FBXL4: variants seen among roughly 807,000 people sequenced by gnomAD.
FBXL4 encodes the protein F-box and leucine rich repeat protein 4.
Under a neutral mutation model 58.9 loss-of-function variants are expected in FBXL4, and 40 were observed. That is an observed-to-expected ratio of 0.68 (90% CI 0.53 to 0.88). FBXL4 has a LOEUF of 0.88. Ranked by LOEUF, FBXL4 falls within the 40% of genes least tolerant of loss-of-function variation. The probability of loss-of-function intolerance (pLI) is 0.00; values close to 1 mark genes in which losing one functional copy is unlikely to be tolerated. For synonymous variants in FBXL4, 263 were observed against 265.5 expected, an observed-to-expected ratio of 0.99 and a Z score of 0.09; for missense variants, 676 against 734.4, an observed-to-expected ratio of 0.92 and a Z score of 0.92.
intron 8 of FBXL4, among the ~76,000 whole-genome samples, chr6:98,877,977 G>C (rs2128377242): frequency 6.6e-6 from 1 of 152,326 alleles, no homozygotes; most frequent in South Asian, 2.1e-4. Context: ...TTACAGGTGA[G>C]ACACTGCTCC....
intron 2 of FBXL4, among the ~76,000 whole-genome samples, chr6:98,929,966 C>G (rs1047630945): frequency 6.6e-6 from 1 of 152,140 alleles, no homozygotes; most frequent in Admixed American, 6.5e-5. Context: ...TAGAATCCCA[C>G]CCTATCCTCA....
rs949489465 is a variant in FBXL4, at chr6:98,873,054, C to G, written c.*1224G>C. Reference sequence around the variant, plus strand: ...TTAATTCTGCTACTCAGAAAGTAGACAGAAAATATTTTGTGGCATGAAAAG... The same window carrying G: ...TTAATTCTGCTACTCAGAAAGTAGAGAGAAAATATTTTGTGGCATGAAAAG... On this transcript the variant is annotated 3_prime_UTR_variant, in exon 10 of 10. Transcript: ENST00000369244. 2 of 151,898 alleles carry G rather than the reference C, an allele frequency of 1.3e-5. No individual in the cohort carries two copies. Among genetic ancestry groups the G allele is most frequent in the African/African-American group, 4.8e-5 (2 of 41,332 alleles). 9.4% of individuals were successfully genotyped at this position (151,898 alleles called of 1,614,324 possible).
In FBXL4 at chr6:98,875,444, C is replaced by T. The variant is rs995995791; in HGVS notation, c.1673G>A (p.Cys558Tyr). 6.2e-7 allele frequency: 1 copy of T among 1,614,048 alleles called. No individual in the cohort carries two copies. The highest frequency in any genetic ancestry group is 8.5e-7 in the Non-Finnish European group (1 of 1,179,950). The change falls in exon 9 of 10, where the codon TGT becomes TAT. Residue 558 changes from cysteine (C) to tyrosine (Y), a missense_variant. Coordinates refer to ENST00000369244, the MANE Select transcript of FBXL4 (RefSeq NM_001278716.2). ...DTDIDELACN[C>Y]TRLQQLDILG... ...TATGTCCAGCTGCTGTAACCTGGTA[C>T]AATTACATGCCAATTCATCAATGTC...
chr6:98,916,714 T>C (rs1436304256), intron 5 of FBXL4, among the ~76,000 whole-genome samples: 9 of 151,506 alleles, frequency 5.9e-5, no homozygotes, highest in African/African-American at 2.2e-4. Context: ...ATATACCTAA[T>C]GCTAAATGAC....
At chr6:98,908,494 T>C (rs1483540575) in intron 5 of FBXL4, among the ~76,000 whole-genome samples, 6 of 152,186 alleles carry the variant, frequency 3.9e-5, no homozygotes. Flanking sequence ...TATGCATGTA[T>C]GTTCATCTTG....
intron 7 of FBXL4, among the ~76,000 whole-genome samples, chr6:98,891,600 C>T (rs1019384268): frequency 2.0e-5 from 3 of 151,390 alleles, no homozygotes; most frequent in African/African-American, 4.9e-5. Flanking sequence ...GTCAAAAAGA[C>T]ATGGGGCTGG....
chr6:98,932,489 T>C (rs977667246), intron 2 of FBXL4, among the ~76,000 whole-genome samples: 1 of 152,100 alleles, frequency 6.6e-6, no homozygotes, highest in Non-Finnish European at 1.5e-5. Context: ...AAAGCAGTAA[T>C]AGTGGAAAAG....
chr6:98,919,185 G>A (rs1772485971), intron 4 of FBXL4, among the ~76,000 whole-genome samples: 1 of 152,112 alleles, frequency 6.6e-6, no homozygotes. Context: ...TGGAAGAATG[G>A]AGAGGGAAGT....
At chr6:98,895,891 T>C (rs1771392391) in intron 7 of FBXL4, among the ~76,000 whole-genome samples, 1 of 152,124 alleles carries the variant, frequency 6.6e-6, no homozygotes, top group South Asian at 2.1e-4. Flanking sequence ...AACAGTATTG[T>C]ATCATAAACT....
rs779572354 is a variant in FBXL4, at chr6:98,926,880, C to T, written c.109G>A (p.Ala37Thr). 3 of 1,614,046 alleles carry T rather than the reference C, an allele frequency of 1.9e-6. No individual in the cohort carries two copies. In the African/African-American group the frequency reaches 4.0e-5, roughly 22 times the overall value. The change falls in exon 4 of 10, where the codon GCT becomes ACT. Residue 37 changes from alanine (A) to threonine (T), a missense_variant. Ala to Thr is a moderately conservative substitution (Grantham distance 58). Coordinates refer to ENST00000369244, the MANE Select transcript of FBXL4 (RefSeq NM_001278716.2). ...GAAGTCTGGCTGTTTGATTCTATAG[C>T]TCTATGGGTGTTCATCATTTCTCCT... ...TRGEMMNTHRAIESNSQTSPL... is the reference protein window; with the variant it reads ...TRGEMMNTHRTIESNSQTSPL...
chr6:98,932,606 A>G (rs1773054810), intron 2 of FBXL4, among the ~76,000 whole-genome samples: 1 of 152,220 alleles, frequency 6.6e-6, no homozygotes, highest in Non-Finnish European at 1.5e-5. Context: ...GGAGCTGCCG[A>G]GAAGTCGGCT....
intron 1 of FBXL4, among the ~76,000 whole-genome samples, chr6:98,944,117 T>C (rs1331848842): frequency 6.6e-6 from 1 of 152,224 alleles, no homozygotes; most frequent in Non-Finnish European, 1.5e-5. Flanking sequence ...TAGTATGCCA[T>C]AGCAACCATT....
Position 98,869,349 on chromosome 6 carries a change from G to C in FBXL4, c.*4929C>G, listed in dbSNP as rs1448974614. On this transcript the variant is annotated 3_prime_UTR_variant, in exon 10 of 10. Coordinates refer to ENST00000369244, the MANE Select transcript of FBXL4 (RefSeq NM_001278716.2). ...CCAAACATTCACTATTAACATACATGGGGCCTGACACAGTGGCTTATGCCC... is the reference window on the plus strand; with the variant it reads ...CCAAACATTCACTATTAACATACATCGGGCCTGACACAGTGGCTTATGCCC... 1 of 152,150 alleles carries C rather than the reference G, an allele frequency of 6.6e-6. No individual in the cohort carries two copies. The highest frequency in any genetic ancestry group is 1.9e-4 in the East Asian group (1 of 5,198). 9.4% of individuals were successfully genotyped at this position (152,150 alleles called of 1,614,324 possible). A position where few individuals can be genotyped will look rare whatever the true frequency, so the allele number is the denominator to read the frequency against.
intron 8 of FBXL4, among the ~76,000 whole-genome samples, chr6:98,879,902 C>A (rs767798172): frequency 7.0e-6 from 1 of 142,702 alleles, no homozygotes; most frequent in African/African-American, 2.6e-5. Flanking sequence ...AAGATCGCGC[C>A]GCTGCACTCC....
At position 98,926,654 on chromosome 6, in the gene FBXL4, A is replaced by G. The variant is rs189230796; in HGVS notation, c.335T>C (p.Leu112Ser). Reference protein sequence around the residue: ...TWWDQCPSASLPFKRTPPNFQ... With the variant: ...TWWDQCPSASSPFKRTPPNFQ... ...ATTAGGTGGCGTCCTCTTGAATGGC[A>G]AGGAAGCACTAGGACACTGATCCCA... The change falls in exon 4 of 10, where the codon TTG becomes TCG. Residue 112 changes from leucine (L) to serine (S), a missense_variant. Leu to Ser is a moderately radical substitution (Grantham distance 145). Transcript: ENST00000369244. The G allele has an allele frequency of 6.2e-7, 1 of 1,614,164 alleles. No homozygotes were observed. Among genetic ancestry groups the G allele is most frequent in the Non-Finnish European group, 8.5e-7 (1 of 1,180,034 alleles).
chr6:98,880,489 T>C (rs1363579314), intron 8 of FBXL4, 64 bp downstream of exon 8: 2 of 1,351,534 alleles, frequency 1.5e-6, no homozygotes, highest in East Asian at 4.6e-5. Flanking sequence ...CAGGATACAT[T>C]TCACCCATAG....
At chr6:98,911,727 G>A (rs1301029218) in intron 5 of FBXL4, among the ~76,000 whole-genome samples, 1 of 152,104 alleles carries the variant, frequency 6.6e-6, no homozygotes, top group South Asian at 2.1e-4. Context: ...CAAAGATGGG[G>A]GAAAAACAGA....
chr6:98,874,549 A>C, intron 9 of FBXL4, 108 bp from the exon 10 acceptor site: 1 of 1,163,740 alleles, frequency 8.6e-7, no homozygotes, highest in South Asian at 1.6e-5. Context: ...AATGAACTTA[A>C]AATAACCCTT....
intron 7 of FBXL4, among the ~76,000 whole-genome samples, chr6:98,891,669 G>C (rs1364426294): frequency 6.7e-6 from 1 of 148,478 alleles, no homozygotes; most frequent in Non-Finnish European, 1.5e-5. Context: ...AGGATCACTT[G>C]AGCCCAGGAG....
Sources: gnomAD v4.1 joint callset for allele counts (sites outside exome capture counted in the v4.1 genomes callset) on GRCh38, gnomAD v4.1.1 for gene constraint, MANE v1.5 for transcripts, NCBI Gene and HGNC (gene_info 2026-07-23, HGNC 2026-07-21) for gene names.